SMCO1: variants seen among roughly 807,000 people sequenced by gnomAD.
The protein encoded by SMCO1 is single-pass membrane and coiled-coil domain-containing protein 1.
SMCO1 carries 9 observed loss-of-function variants against 7.5 expected under a neutral mutation model. The ratio of observed to expected loss-of-function variants is 1.20; its 90% confidence interval spans 0.72 to 2.09. The LOEUF (loss-of-function observed/expected upper bound fraction) is 2.09, where lower values mean the gene tolerates loss of function less well. SMCO1 is among the 30% of genes most tolerant of loss of function. The probability of loss-of-function intolerance (pLI) is 0.00; values close to 1 mark genes in which losing one functional copy is unlikely to be tolerated. For missense variants in SMCO1, 219 were observed against 253.1 expected, an observed-to-expected ratio of 0.87 and a Z score of 0.91; for synonymous variants, 90 against 93.8, an observed-to-expected ratio of 0.96 and a Z score of 0.23.
At position 196,508,039 on chromosome 3, in the gene SMCO1, C is replaced by T; in HGVS notation, c.493G>A (p.Val165Ile). The T allele has an allele frequency of 6.2e-7, 1 of 1,614,160 alleles. No homozygotes were observed. Among genetic ancestry groups the T allele is most frequent in the African/African-American group, 1.3e-5 (1 of 75,040 alleles). The change falls in exon 3 of 3, where the codon GTC (valine) becomes ATC (isoleucine). Residue 165 changes from valine (V) to isoleucine (I), a missense_variant. Val to Ile is a conservative substitution (Grantham distance 29). Coordinates refer to ENST00000397537, the MANE Select transcript of SMCO1 (RefSeq NM_001077657.3). ...ACCATGTTAGTAATTAGGAACGTGA[C>T]ATCCCTGATGTACATCTGCCTCACT... Reference protein sequence around the residue: ...AKVRQMYIRDVTFLITNMVKN... With the variant: ...AKVRQMYIRDITFLITNMVKN...
At position 196,509,522 on chromosome 3, in the gene SMCO1, G is replaced by T; in HGVS notation, c.198C>A (p.Leu66=). ...CTGATTTCTCAATTGATACTCACTGGAGTGCCCGAACTGCTGTCCACATCT... is the reference window on the plus strand; with the variant it reads ...CTGATTTCTCAATTGATACTCACTGTAGTGCCCGAACTGCTGTCCACATCT... ...QDEMWTAVRA[L]QLTSMELNIL... Residue 66 remains leucine, a splice_region_variant and synonymous_variant, in exon 2 of 3, where the codon CTC becomes CTA. Coordinates refer to ENST00000397537, the MANE Select transcript of SMCO1 (RefSeq NM_001077657.3). 6.2e-7 allele frequency: 1 copy of T among 1,612,034 alleles called. No homozygotes were observed. The highest frequency in any genetic ancestry group is 8.5e-7 in the Non-Finnish European group (1 of 1,178,556).
chr3:196,517,104 C>CGA (rs774749663), upstream of SMCO1, among the ~76,000 whole-genome samples: 2 of 35,738 alleles, frequency 5.6e-5, no homozygotes, highest in African/African-American at 3.2e-4. Context: ...GACTCCATCG[C>CGA]AAAAAAAAAA....
At chr3:196,511,854 T>C (rs1733244205) in intron 1 of SMCO1, among the ~76,000 whole-genome samples, 1 of 136,212 alleles carries the variant, frequency 7.3e-6, no homozygotes, top group Non-Finnish European at 1.5e-5. Context: ...GAAACCTGCC[T>C]GGGCTGCCTA....
At chr3:196,516,015 AT>A (rs60016206), upstream of SMCO1, among the ~76,000 whole-genome samples, 1 of 95,502 alleles carries the variant, frequency 1.0e-5, no homozygotes, top group South Asian at 2.7e-4. Context: ...ATATATATAT[AT>A]ATATATATAT....
chr3:196,517,624 G>A (rs55845468), upstream of SMCO1, among the ~76,000 whole-genome samples: 65,372 of 149,602 alleles, frequency 0.44, 17,031 homozygotes, highest in African/African-American at 0.73. Flanking sequence ...GCACCCCCCT[G>A]TGCCTTCCCC....
At chr3:196,518,951 C>T (rs889386771), upstream of SMCO1, among the ~76,000 whole-genome samples, 1 of 152,182 alleles carries the variant, frequency 6.6e-6, no homozygotes, top group Non-Finnish European at 1.5e-5. Flanking sequence ...CTAACCATCC[C>T]GTGAGGCCAG....
chr3:196,507,966 A>G lies in SMCO1; in HGVS notation c.566T>C (p.Ile189Thr), dbSNP rs371825571. ...GGTCCTAACTGCTTTCCCCTTCTCA[A>G]TTACCTGCACAGCCCTCAGCAAACT... ...QDSLLRAVQV[I>T]EKGKAVRTPE... Residue 189 changes from isoleucine (I) to threonine (T), a missense_variant, in exon 3 of 3, where the codon ATT (isoleucine) becomes ACT (threonine). Transcript: ENST00000397537. 4.3e-6 allele frequency: 7 copies of G among 1,614,060 alleles called. No individual in the cohort carries two copies. Among genetic ancestry groups the G allele is most frequent in the South Asian group, 2.2e-5 (2 of 91,080 alleles).
chr3:196,517,061 C>T (rs139971315), upstream of SMCO1, among the ~76,000 whole-genome samples: 674 of 128,682 alleles, frequency 5.2e-3, 6 homozygotes, highest in African/African-American at 0.017. Flanking sequence ...ATAGCAATTG[C>T]GCCACTGCAC....
Position 196,508,006 on chromosome 3 carries a change from G to A in SMCO1, c.526C>T (p.Gln176Ter). The A allele has an allele frequency of 1.2e-6, 2 of 1,614,056 alleles. No individual in the cohort carries two copies. The highest frequency in any genetic ancestry group is 1.7e-6 in the Non-Finnish European group (2 of 1,179,988). Reference protein sequence around the residue: ...TFLITNMVKNQALQDSLLRAV... With the variant: ...TFLITNMVKN ...CTCAGCAAACTGTCCTGCAGAGCCT[G>A]GTTCTTTACCATGTTAGTAATTAGG... is the stretch of plus-strand genomic sequence containing the variant. Residue 176 changes from glutamine to a stop codon, truncating the protein, a stop_gained, in exon 3 of 3, where the codon CAG (glutamine) becomes TAG (stop). Transcript: ENST00000397537. LOFTEE classifies it high-confidence loss of function.
the SMCO1 span, among the ~76,000 whole-genome samples, chr3:196,520,598 T>C: frequency 6.6e-6 from 1 of 152,198 alleles, no homozygotes; most frequent in African/African-American, 2.4e-5. Context: ...TACAGGATCT[T>C]AAGCAAATAA....
upstream of SMCO1, among the ~76,000 whole-genome samples, chr3:196,520,294 A>C (rs1240478866): frequency 1.3e-5 from 2 of 152,266 alleles, no homozygotes. Flanking sequence ...CTGTGAGACA[A>C]CCCAGATCTT....
At chr3:196,516,059 A>ATG (rs1216042350), upstream of SMCO1, among the ~76,000 whole-genome samples, 55 of 139,038 alleles carry the variant, frequency 4.0e-4, no homozygotes, top group African/African-American at 1.4e-3. Context: ...ACATATAATT[A>ATG]TATATAATAT....
At chr3:196,520,484 A>G in the SMCO1 span, among the ~76,000 whole-genome samples, 1 of 151,560 alleles carries the variant, frequency 6.6e-6, no homozygotes, top group African/African-American at 2.4e-5. Flanking sequence ...CAGCTCCTCC[A>G]GCTCCACCAT....
chr3:196,515,303 GC>G lies in SMCO1; in HGVS notation c.-95del. 1.1e-6 allele frequency: 1 copy of G among 901,740 alleles called. No homozygotes were observed. Among genetic ancestry groups the G allele is most frequent in the Non-Finnish European group, 1.8e-6 (1 of 547,122 alleles). The allele number at this position is 901,740 out of a possible 1,614,324, so 55.9% of individuals were successfully genotyped here. A position where few individuals can be genotyped will look rare whatever the true frequency, so the allele number is the denominator to read the frequency against. ...AGAATTTTCTGCGGTCTTCCTCTCA[GC>G]AACAGGCAGCAGTAGCAGGAGCGCT... On this transcript the variant is annotated 5_prime_UTR_variant, in exon 1 of 3. Coordinates refer to ENST00000397537, the MANE Select transcript of SMCO1 (RefSeq NM_001077657.3).
In SMCO1 at chr3:196,507,975, A is replaced by G. The variant is rs1733095105; in HGVS notation, c.557T>C (p.Val186Ala). 1 of 1,614,020 alleles carries G rather than the reference A, an allele frequency of 6.2e-7. No homozygotes were observed. Among genetic ancestry groups the G allele is most frequent in the African/African-American group, 1.3e-5 (1 of 74,904 alleles). The change falls in exon 3 of 3, where the codon GTG (valine) becomes GCG (alanine). Residue 186 changes from valine to alanine, a missense_variant. Physicochemically the swap from Val to Ala is moderately conservative, Grantham distance 64. Coordinates refer to ENST00000397537, the MANE Select transcript of SMCO1 (RefSeq NM_001077657.3). ...QALQDSLLRA[V>A]QVIEKGKAVR... Reference sequence around the variant, plus strand: ...TGCTTTCCCCTTCTCAATTACCTGCACAGCCCTCAGCAAACTGTCCTGCAG... The same window carrying G: ...TGCTTTCCCCTTCTCAATTACCTGCGCAGCCCTCAGCAAACTGTCCTGCAG...
upstream of SMCO1, among the ~76,000 whole-genome samples, chr3:196,515,745 AATCCCAGCACT>A: frequency 6.6e-6 from 1 of 151,812 alleles, no homozygotes; most frequent in South Asian, 2.1e-4. Flanking sequence ...TCACTCCTGT[AATCCCAGCACT>A]TGGGGAAGCC....
rs77998359 is a variant in SMCO1 at position 196,515,035 on chromosome 3, G to A, written c.50+125C>T. 6.9e-3 allele frequency: 8,323 copies of A among 1,205,774 alleles called. 356 individuals carry two copies. In the African/African-American group the frequency reaches 0.1, roughly 15 times the overall value. The allele number at this position is 1,205,774 out of a possible 1,614,324, so 74.7% of individuals were successfully genotyped here. ...GATTACAGGTGTGAGCCACCGCACC[G>A]GCCACAGAGACAGAATTCTAATGAG... is the stretch of plus-strand genomic sequence containing the variant. On this transcript the variant is annotated intron_variant, in intron 1 of 2. Transcript: ENST00000397537.
chr3:196,511,119 CACCTA>C (rs1733212446), intron 1 of SMCO1, among the ~76,000 whole-genome samples: 7 of 146,200 alleles, frequency 4.8e-5, no homozygotes, highest in African/African-American at 1.1e-4. Flanking sequence ...TTGCCTGGGC[CACCTA>C]GATTGTCTTT....
chr3:196,516,009 ATATATATATATATATATATATAAT>A (rs1733377663), upstream of SMCO1, among the ~76,000 whole-genome samples: 1 of 93,794 alleles, frequency 1.1e-5, no homozygotes, highest in Non-Finnish European at 1.7e-5. Context: ...ATATATATAT[ATATATATATATATATATATATAAT>A]TATATATAAA....
Sources: gnomAD v4.1 joint callset for allele counts (sites outside exome capture counted in the v4.1 genomes callset) on GRCh38, gnomAD v4.1.1 for gene constraint, MANE v1.5 for transcripts, NCBI Gene and HGNC (gene_info 2026-07-23, HGNC 2026-07-21) for gene names.